GULP1: variants seen among roughly 807,000 people sequenced by gnomAD.
GULP1 encodes the protein GULP PTB domain containing engulfment adaptor 1.
Under a neutral mutation model 40.9 loss-of-function variants are expected in GULP1, and 19 were observed. The observed-to-expected ratio is 0.46, with a 90% CI of 0.32 to 0.68. The LOEUF (loss-of-function observed/expected upper bound fraction) is 0.68. Ranked by LOEUF, GULP1 falls within the 30% of genes least tolerant of loss-of-function variation. The pLI is 0.03. For missense variants in GULP1, 312 were observed against 362.2 expected, an observed-to-expected ratio of 0.86 and a Z score of 1.12; for synonymous variants, 119 against 117.6, an observed-to-expected ratio of 1.01 and a Z score of -0.08.
At chr2:188,368,196 G>T (rs1192601431) in intron 1 of GULP1, among the ~76,000 whole-genome samples, 1 of 152,094 alleles carries the variant, frequency 6.6e-6, no homozygotes, top group African/African-American at 2.4e-5. Flanking sequence ...CTAGAAAAAA[G>T]GTCTGGGGAT....
At chr2:188,437,752 G>T (rs1050424783) in intron 2 of GULP1, among the ~76,000 whole-genome samples, 6 of 152,044 alleles carry the variant, frequency 3.9e-5, no homozygotes, top group African/African-American at 1.4e-4. Context: ...GCCATAAAAA[G>T]GAAGATCATG....
intron 9 of GULP1, among the ~76,000 whole-genome samples, chr2:188,571,285 A>T (rs1698979690): frequency 6.6e-6 from 1 of 152,226 alleles, no homozygotes; most frequent in East Asian, 1.9e-4. Flanking sequence ...TCATTTCTTA[A>T]TATCTAATAC....
chr2:188,407,013 A>C (rs866643878), intron 2 of GULP1, among the ~76,000 whole-genome samples: 25 of 152,282 alleles, frequency 1.6e-4, no homozygotes, highest in South Asian at 1.2e-3. Flanking sequence ...AAGAGAGAAG[A>C]AACATATCAC....
rs1209744562 is a variant in GULP1, at chr2:188,535,020, TTATTAA to T, written c.261+5828_261+5833del. ...GACTTTAATATTTAATAATAAATTGTTATTAATAATTAATATTCAATTAGTGTTTAA... is the reference window on the plus strand; with the variant it reads ...GACTTTAATATTTAATAATAAATTGTTAATTAATATTCAATTAGTGTTTAA... On this transcript the variant is annotated intron_variant, in intron 6 of 11. Coordinates refer to ENST00000409830, the MANE Select transcript of GULP1 (RefSeq NM_016315.4). Among the ~76,000 whole-genome samples the T allele has an allele frequency of 5.3e-5, 8 of 151,218 alleles. No homozygotes were observed. In the South Asian group the frequency reaches 1.5e-3, roughly 27 times the overall value.
At chr2:188,461,203 C>T (rs948643496) in intron 2 of GULP1, among the ~76,000 whole-genome samples, 2 of 151,804 alleles carry the variant, frequency 1.3e-5, no homozygotes, top group Non-Finnish European at 2.9e-5. Flanking sequence ...CCCTCCACCT[C>T]TGTTTTTCGA....
At chr2:188,580,525 C>G (rs1417087537) in intron 9 of GULP1, among the ~76,000 whole-genome samples, 1 of 145,802 alleles carries the variant, frequency 6.9e-6, no homozygotes, top group East Asian at 2.0e-4. Flanking sequence ...TGCACTCCAG[C>G]CTGGGCGACA....
chr2:188,405,406 A>C lies in GULP1; in HGVS notation c.-45+21517A>C, dbSNP rs376778029. 5.3e-4 allele frequency among the ~76,000 whole-genome samples: 81 copies of C among 152,180 alleles called. 1 individual carries two copies. The South Asian group carries it at 0.017, about 31-fold the overall frequency. ...TAGATTCAGGGTCCACACCTGCTCC[A>C]GCACACCCAAGCTCTAGGCCCAGCC... On this transcript the variant is annotated intron_variant, in intron 2 of 11. Transcript: ENST00000409830.
chr2:188,414,048 C>G (rs2054251117), intron 2 of GULP1, among the ~76,000 whole-genome samples: 1 of 151,864 alleles, frequency 6.6e-6, no homozygotes. Context: ...GAAACCCCAT[C>G]TCTACTAAAA....
intron 2 of GULP1, among the ~76,000 whole-genome samples, chr2:188,414,330 T>C (rs2054304050): frequency 6.6e-6 from 1 of 152,090 alleles, no homozygotes; most frequent in Non-Finnish European, 1.5e-5. Context: ...TTTACTGAAA[T>C]TTGGGTCATA....
intron 2 of GULP1, among the ~76,000 whole-genome samples, chr2:188,473,047 C>T (rs2060718182): frequency 6.6e-6 from 1 of 152,206 alleles, no homozygotes; most frequent in South Asian, 2.1e-4. Flanking sequence ...AGAGATACTG[C>T]CCTGATGGTC....
intron 4 of GULP1, among the ~76,000 whole-genome samples, chr2:188,504,056 A>G (rs566606726): frequency 1.3e-5 from 2 of 152,044 alleles, no homozygotes; most frequent in African/African-American, 2.4e-5. Flanking sequence ...TCCTTAATTC[A>G]GTACTACAGA....
chr2:188,527,621 A>G (rs916943045), intron 5 of GULP1, among the ~76,000 whole-genome samples: 1 of 152,334 alleles, frequency 6.6e-6, no homozygotes, highest in East Asian at 1.9e-4. Flanking sequence ...TGCAGCAGTA[A>G]GACTGCTGGA....
At chr2:188,395,159 T>G (rs1341628779) in intron 2 of GULP1, among the ~76,000 whole-genome samples, 1 of 152,036 alleles carries the variant, frequency 6.6e-6, no homozygotes, top group East Asian at 1.9e-4. Flanking sequence ...TGAGGTCTTA[T>G]CAGGGGGAAC....
At chr2:188,459,667 A>G (rs1222526279) in intron 2 of GULP1, among the ~76,000 whole-genome samples, 2 of 151,974 alleles carry the variant, frequency 1.3e-5, no homozygotes, top group African/African-American at 4.8e-5. Context: ...CCATTTGTCC[A>G]TTTTGCTTGG....
intron 1 of GULP1, among the ~76,000 whole-genome samples, chr2:188,347,547 A>G (rs1162191481): frequency 1.3e-5 from 2 of 152,080 alleles, no homozygotes; most frequent in Admixed American, 6.5e-5. Flanking sequence ...AGTCAGCTTA[A>G]TATATAGTCA....
chr2:188,345,190 C>T (rs2043476018), intron 1 of GULP1, among the ~76,000 whole-genome samples: 1 of 152,162 alleles, frequency 6.6e-6, no homozygotes, highest in Non-Finnish European at 1.5e-5. Flanking sequence ...TGGACCCCCT[C>T]CTCTCCATGC....
intron 2 of GULP1, among the ~76,000 whole-genome samples, chr2:188,385,608 T>C (rs2049615222): frequency 6.6e-6 from 1 of 152,158 alleles, no homozygotes; most frequent in Admixed American, 6.5e-5. Flanking sequence ...AGACTGCAAA[T>C]TTTCTGAACT....
chr2:188,316,868 A>G (rs4233800), intron 1 of GULP1, among the ~76,000 whole-genome samples: 114,440 of 152,050 alleles, frequency 0.75, 43,524 homozygotes, highest in East Asian at 0.95. Context: ...GCCAGGCATG[A>G]TAGGCTTTCA....
chr2:188,323,125 C>T (rs999212286), intron 1 of GULP1, among the ~76,000 whole-genome samples: 3 of 151,878 alleles, frequency 2.0e-5, no homozygotes, highest in South Asian at 2.1e-4. Context: ...CTGTAAATAT[C>T]GACACTCTTC....
Sources: allele counts gnomAD v4.1 joint callset (sites outside exome capture counted in the v4.1 genomes callset), GRCh38; gene constraint gnomAD v4.1.1; transcripts MANE v1.5; gene names NCBI Gene and HGNC (gene_info 2026-07-23, HGNC 2026-07-21).